Variants in RABGAP1L observed in about 807,000 individuals in gnomAD.
RABGAP1L encodes rab GTPase-activating protein 1-like.
RABGAP1L carries 63 observed loss-of-function variants against 137.7 expected under a neutral mutation model. That is an observed-to-expected ratio of 0.46 (90% CI 0.37 to 0.56). The LOEUF is 0.56. RABGAP1L is among the 20% of genes least tolerant of loss of function. The probability of loss-of-function intolerance (pLI) is 0.00; values close to 1 mark genes in which losing one functional copy is unlikely to be tolerated. For synonymous variants in RABGAP1L, 431 were observed against 433.7 expected, an observed-to-expected ratio of 0.99 and a Z score of 0.08; for missense variants, 1,095 against 1,244.0, an observed-to-expected ratio of 0.88 and a Z score of 1.80.
intron 13 of RABGAP1L, among the ~76,000 whole-genome samples, chr1:174,571,118 C>T (rs1667949037): frequency 6.6e-6 from 1 of 152,078 alleles, no homozygotes; most frequent in African/African-American, 2.4e-5. Context: ...TCATTTGCAA[C>T]AACATAGATG....
intron 5 of RABGAP1L, among the ~76,000 whole-genome samples, chr1:174,243,770 G>A (rs1339555401): frequency 6.6e-6 from 1 of 152,130 alleles, no homozygotes; most frequent in African/African-American, 2.4e-5. Flanking sequence ...AAAGTGTTGT[G>A]GTTTGGATGA....
intron 1 of RABGAP1L, among the ~76,000 whole-genome samples, chr1:174,177,061 GTGAGACCCTCTCTCAAAACAAA>G (rs1665948138): frequency 6.6e-6 from 1 of 152,172 alleles, no homozygotes. Context: ...GGGCGACAGA[GTGAGACCCTCTCTCAAAACAAA>G]ACAAAACAAA....
intron 19 of RABGAP1L, among the ~76,000 whole-genome samples, chr1:174,916,795 A>G (rs1660957892): frequency 6.6e-6 from 1 of 152,226 alleles, no homozygotes; most frequent in African/African-American, 2.4e-5. Flanking sequence ...CCTAGATGCA[A>G]ACAGCACTTG....
At position 174,807,965 on chromosome 1, in the gene RABGAP1L, A is replaced by G. The variant is rs557522210; in HGVS notation, c.2212-3867A>G. Among the ~76,000 whole-genome samples, 370 of 149,328 alleles carry G rather than the reference A, an allele frequency of 2.5e-3. 4 individuals carry two copies. The highest frequency in any genetic ancestry group is 8.7e-3 in the African/African-American group (354 of 40,548). On this transcript the variant is annotated intron_variant, in intron 18 of 25. Coordinates refer to ENST00000681986, the MANE Select transcript of RABGAP1L (RefSeq NM_001366446.1). ...ACAAAACAAAACAACAACAACAACA[A>G]CAACAACAAATTCTTTTTTTTTTTT...
intron 19 of RABGAP1L, among the ~76,000 whole-genome samples, chr1:174,888,572 C>CTG (rs1214002232): frequency 6.6e-6 from 1 of 152,142 alleles, no homozygotes; most frequent in Non-Finnish European, 1.5e-5. Flanking sequence ...CAGAATCTCA[C>CTG]TGTGTCGCCC....
At chr1:174,435,181 A>C (rs72713583) in intron 13 of RABGAP1L, among the ~76,000 whole-genome samples, 53,443 of 151,842 alleles carry the variant, frequency 0.35, 12,047 homozygotes, top group African/African-American at 0.64. Flanking sequence ...CACCACACCC[A>C]GCTAAATTTT....
At chr1:174,764,646 T>G (rs1320037302) in intron 18 of RABGAP1L, among the ~76,000 whole-genome samples, 1 of 152,202 alleles carries the variant, frequency 6.6e-6, no homozygotes, top group Non-Finnish European at 1.5e-5. Flanking sequence ...GGTCTCACTC[T>G]GTTGCCCAGG....
intron 1 of RABGAP1L, among the ~76,000 whole-genome samples, chr1:174,164,233 C>T (rs916216571): frequency 1.3e-5 from 2 of 151,952 alleles, no homozygotes; most frequent in African/African-American, 4.8e-5. Flanking sequence ...CAAATTCCTG[C>T]TCTGTGTAAT....
intron 13 of RABGAP1L, among the ~76,000 whole-genome samples, chr1:174,505,407 C>T (rs1661725740): frequency 6.6e-6 from 1 of 151,696 alleles, no homozygotes; most frequent in African/African-American, 2.4e-5. Flanking sequence ...ACTTTATTCC[C>T]AAAACATTAT....
chr1:174,275,690 A>G (rs1357327474), intron 8 of RABGAP1L, 143 bp from the exon 9 acceptor site: 7 of 492,716 alleles, frequency 1.4e-5, no homozygotes, highest in Non-Finnish European at 2.5e-5. Context: ...TTGTAGGATG[A>G]AAAGAATTTA....
At chr1:174,421,311 G>A (rs1452587984) in intron 13 of RABGAP1L, among the ~76,000 whole-genome samples, 2 of 152,014 alleles carry the variant, frequency 1.3e-5, no homozygotes, top group Admixed American at 1.3e-4. Flanking sequence ...TTTTTCCTAG[G>A]CAACAACAGC....
chr1:174,826,566 G>A (rs1691587922), intron 19 of RABGAP1L, among the ~76,000 whole-genome samples: 3 of 152,190 alleles, frequency 2.0e-5, no homozygotes, highest in Non-Finnish European at 4.4e-5. Flanking sequence ...GCACCTGCTT[G>A]ATTCTAAGTC....
At chr1:174,930,785 A>G (rs939280811) in intron 19 of RABGAP1L, among the ~76,000 whole-genome samples, 4 of 152,202 alleles carry the variant, frequency 2.6e-5, no homozygotes, top group Non-Finnish European at 5.9e-5. Context: ...TTTCAGACAT[A>G]TCATTTTACT....
At chr1:174,810,773 C>T (rs1215072759) in intron 18 of RABGAP1L, among the ~76,000 whole-genome samples, 1 of 151,834 alleles carries the variant, frequency 6.6e-6, no homozygotes, top group African/African-American at 2.4e-5. Context: ...ATTATAAAAG[C>T]GTTATACAGA....
chr1:174,495,567 C>G (rs1304689762), intron 13 of RABGAP1L, among the ~76,000 whole-genome samples: 1 of 152,196 alleles, frequency 6.6e-6, no homozygotes, highest in Non-Finnish European at 1.5e-5. Flanking sequence ...TCTCCTCCTT[C>G]TTTCTCCCCA....
At chr1:174,370,903 G>A (rs1437151671) in intron 11 of RABGAP1L, 76 bp from the exon 12 acceptor site, 4 of 720,436 alleles carry the variant, frequency 5.6e-6, no homozygotes, top group African/African-American at 5.4e-5. Context: ...ATGGAGTCAT[G>A]TTTATTGTAT....
At chr1:174,800,379 C>T (rs566839122) in intron 18 of RABGAP1L, 1 of 1,550,522 alleles carries the variant, frequency 6.4e-7, no homozygotes, top group Non-Finnish European at 8.7e-7. Context: ...AAGCTCACAC[C>T]TCCTGTCAAA....
At chr1:174,260,812 A>G (rs1673520728) in intron 7 of RABGAP1L, among the ~76,000 whole-genome samples, 1 of 152,126 alleles carries the variant, frequency 6.6e-6, no homozygotes, top group Non-Finnish European at 1.5e-5. Context: ...ACCTACTTGG[A>G]TGCTTTGAAT....
At chr1:174,959,227 T>C (rs986857286) in intron 20 of RABGAP1L, among the ~76,000 whole-genome samples, 1 of 152,232 alleles carries the variant, frequency 6.6e-6, no homozygotes, top group Non-Finnish European at 1.5e-5. Flanking sequence ...TTAATGTAAA[T>C]CACATAGCAT....
Sources: allele counts gnomAD v4.1 joint callset (sites outside exome capture counted in the v4.1 genomes callset), GRCh38; gene constraint gnomAD v4.1.1; transcripts MANE v1.5; gene names NCBI Gene and HGNC (gene_info 2026-07-23, HGNC 2026-07-21).